NMNAT2: variants seen among roughly 807,000 people sequenced by gnomAD.
NMNAT2 encodes nicotinamide nucleotide adenylyltransferase 2.
A neutral mutation model predicts 41.6 loss-of-function variants in NMNAT2; 11 were observed. The ratio of observed to expected loss-of-function variants is 0.26; its 90% CI spans 0.17 to 0.44. The LOEUF (loss-of-function observed/expected upper bound fraction) is 0.44, where lower values mean the gene tolerates loss of function less well. Among genes scored for constraint, NMNAT2 ranks in the 20% least tolerant of loss-of-function variants. NMNAT2 has a pLI of 1.00. For missense variants in NMNAT2, 288 were observed against 407.7 expected, an observed-to-expected ratio of 0.71 and a Z score of 2.53; for synonymous variants, 148 against 151.2, an observed-to-expected ratio of 0.98 and a Z score of 0.16.
At chr1:183,281,850 G>T (rs1196432922) in intron 7 of NMNAT2, among the ~76,000 whole-genome samples, 2 of 152,202 alleles carry the variant, frequency 1.3e-5, no homozygotes, top group East Asian at 3.8e-4. Flanking sequence ...TTAAAAAAGG[G>T]GACACGTGAG....
intron 1 of NMNAT2, among the ~76,000 whole-genome samples, chr1:183,395,499 G>C (rs1308009576): frequency 6.6e-6 from 1 of 152,088 alleles, no homozygotes; most frequent in Admixed American, 6.5e-5. Context: ...CCTCTCCCTA[G>C]AGTTGAGTGG....
chr1:183,364,979 T>G (rs922250590), intron 1 of NMNAT2, among the ~76,000 whole-genome samples: 1 of 152,132 alleles, frequency 6.6e-6, no homozygotes, highest in Non-Finnish European at 1.5e-5. Context: ...AGACGAGGGT[T>G]CCCATCCACC....
chr1:183,393,124 A>T (rs1478032864), intron 1 of NMNAT2, among the ~76,000 whole-genome samples: 1 of 152,200 alleles, frequency 6.6e-6, no homozygotes, highest in Non-Finnish European at 1.5e-5. Flanking sequence ...TCCAGGAATT[A>T]ATTCACCTCG....
intron 1 of NMNAT2, among the ~76,000 whole-genome samples, chr1:183,299,688 A>G (rs1661798410): frequency 6.6e-6 from 1 of 150,876 alleles, no homozygotes; most frequent in Admixed American, 6.6e-5. Flanking sequence ...TGTTAAGAAG[A>G]TTAATGCTTT....
chr1:183,414,723 C>G lies in NMNAT2; in HGVS notation c.85+3460G>C, dbSNP rs138785270. Among the ~76,000 whole-genome samples the G allele has an allele frequency of 3.9e-3, 591 of 152,260 alleles. 5 individuals are homozygous for G. The highest frequency in any genetic ancestry group is 0.014 in the African/African-American group (568 of 41,546). On this transcript the variant is annotated intron_variant, in intron 1 of 10. Transcript: ENST00000287713. ...CAAATAGGAGAAATAATATCAACTT[C>G]CCTTTCAGAGTAAAAGAAAAGTTCA...
intron 8 of NMNAT2, among the ~76,000 whole-genome samples, chr1:183,268,221 C>A (rs755320603): frequency 6.6e-6 from 1 of 152,024 alleles, no homozygotes; most frequent in South Asian, 2.1e-4. Flanking sequence ...TTGGAAGGAA[C>A]GTAGAGTTTG....
intron 1 of NMNAT2, among the ~76,000 whole-genome samples, chr1:183,354,680 G>T (rs1663145868): frequency 6.6e-6 from 1 of 152,134 alleles, no homozygotes; most frequent in African/African-American, 2.4e-5. Context: ...GCCTCCGAAA[G>T]TGCTGGGATT....
intron 1 of NMNAT2, among the ~76,000 whole-genome samples, chr1:183,402,010 G>C (rs1383172623): frequency 2.0e-5 from 3 of 151,978 alleles, no homozygotes; most frequent in African/African-American, 4.8e-5. Flanking sequence ...CATGGCACAT[G>C]TATACATATG....
intron 7 of NMNAT2, chr1:183,283,148 T>G (rs1272657963): frequency 1.3e-5 from 2 of 152,228 alleles, no homozygotes; most frequent in Non-Finnish European, 2.9e-5. Flanking sequence ...GAGCCCTGAC[T>G]TCCAGTCCTT....
chr1:183,387,871 T>C (rs1473199989), intron 1 of NMNAT2, among the ~76,000 whole-genome samples: 2 of 152,192 alleles, frequency 1.3e-5, no homozygotes. Context: ...TCCTGTTTGA[T>C]TGGGAGTCAG....
chr1:183,388,856 T>A lies in NMNAT2; in HGVS notation c.85+29327A>T, dbSNP rs373277813. Among the ~76,000 whole-genome samples, 14 of 152,344 alleles carry A rather than the reference T, an allele frequency of 9.2e-5. No homozygotes were observed. In the East Asian group the frequency reaches 1.9e-3, roughly 21 times the overall value. ...ACAAAAATAACTCAGTAAATATTCA[T>A]GAGTTCTTGAAAAAGAATGGGCTTT... is the stretch of plus-strand genomic sequence containing the variant. On this transcript the variant is annotated intron_variant, in intron 1 of 10. Transcript: ENST00000287713.
rs538453321 is a variant in NMNAT2, at chr1:183,263,650, C to CA, written c.652-2348dup. On this transcript the variant is annotated intron_variant, in intron 8 of 10. Coordinates refer to ENST00000287713, the MANE Select transcript of NMNAT2 (RefSeq NM_015039.4). ...TGAAACCCTGTCTCTACTAAAAATA[C>CA]AAAAAAAATTAGCCGGGCGTGGTGG... Among the ~76,000 whole-genome samples, 405 of 151,924 alleles carry CA rather than the reference C, an allele frequency of 2.7e-3. 6 individuals carry two copies. The East Asian group carries it at 0.053, about 20-fold the overall frequency.
intron 1 of NMNAT2, among the ~76,000 whole-genome samples, chr1:183,383,931 C>T (rs1212427581): frequency 6.6e-6 from 1 of 152,234 alleles, no homozygotes; most frequent in Non-Finnish European, 1.5e-5. Flanking sequence ...TCCAAAGTTG[C>T]TTCCACATTT....
At chr1:183,330,237 T>G (rs758031697) in intron 1 of NMNAT2, among the ~76,000 whole-genome samples, 2 of 152,240 alleles carry the variant, frequency 1.3e-5, no homozygotes, top group African/African-American at 2.4e-5. Flanking sequence ...TTTGAGTCAA[T>G]GTGAGTACAG....
chr1:183,359,668 A>T (rs893200346), intron 1 of NMNAT2, among the ~76,000 whole-genome samples: 1 of 152,256 alleles, frequency 6.6e-6, no homozygotes, highest in South Asian at 2.1e-4. Context: ...GTTGTTGGGA[A>T]CATCACCCTC....
chr1:183,340,329 T>C (rs2102344581), intron 1 of NMNAT2, among the ~76,000 whole-genome samples: 1 of 151,200 alleles, frequency 6.6e-6, no homozygotes, highest in East Asian at 2.0e-4. Flanking sequence ...AGCTTTTTTT[T>C]TTTTTTTTTT....
rs189159644 is a variant in NMNAT2 at position 183,249,514 on chromosome 1, G to T, written c.*3127C>A. The T allele has an allele frequency of 2.0e-4, 31 of 152,336 alleles. 1 individual carries two copies. The highest frequency in any genetic ancestry group is 2.0e-3 in the Admixed American group (30 of 15,296). 9.4% of individuals were successfully genotyped at this position (152,336 alleles called of 1,614,324 possible). ...GATTGGGCTTTGCAGGAAGGAACAG[G>T]ACCCCAGAGACAAAGTCGGGGGGTA... On this transcript the variant is annotated 3_prime_UTR_variant, in exon 11 of 11. Transcript: ENST00000287713.
Position 183,383,011 on chromosome 1 carries a change from C to T in NMNAT2, c.85+35172G>A, listed in dbSNP as rs771555334. Among the ~76,000 whole-genome samples, 168 of 152,364 alleles carry T rather than the reference C, an allele frequency of 1.1e-3. 3 individuals are homozygous for T. Among genetic ancestry groups the T allele is most frequent in the Admixed American group, 4.6e-4 (7 of 15,308 alleles). ...GTAGAGGTTCTCCATGAGGGCTCCA[C>T]ACCTGCAGCAGACTTCTGCCTGCAC... On this transcript the variant is annotated intron_variant, in intron 1 of 10. Transcript: ENST00000287713.
chr1:183,295,291 G>A lies in NMNAT2; in HGVS notation c.86-1498C>T, dbSNP rs547432026. Among the ~76,000 whole-genome samples, 20 of 152,086 alleles carry A rather than the reference G, an allele frequency of 1.3e-4. 1 individual carries two copies. In the South Asian group the frequency reaches 3.5e-3, roughly 27 times the overall value. The stretch of plus-strand genomic sequence containing the variant: ...TGCAAGGGTTACAGGCATGAGCCAC[G>A]GCACTTGGCTGCTTCTTTTTCTTTC... On this transcript the variant is annotated intron_variant, in intron 1 of 10. Transcript: ENST00000287713.
Sources: allele counts gnomAD v4.1 joint callset (sites outside exome capture counted in the v4.1 genomes callset), GRCh38; gene constraint gnomAD v4.1.1; transcripts MANE v1.5; gene names NCBI Gene and HGNC (gene_info 2026-07-23, HGNC 2026-07-21).